The following ATXN7L1 variants were observed in gnomAD, a reference collection of about 807,000 sequenced individuals.
ATXN7L1 encodes the protein ataxin 7 like 1.
Under a neutral mutation model 70.8 loss-of-function variants are expected in ATXN7L1, and 15 were observed. That is an observed-to-expected ratio of 0.21 (90% CI 0.14 to 0.33). The LOEUF (loss-of-function observed/expected upper bound fraction) is 0.33. Ranked by LOEUF, ATXN7L1 falls within the 10% of genes least tolerant of loss-of-function variation. The pLI, the probability that ATXN7L1 is intolerant of heterozygous loss-of-function variation, is 1.00. For missense variants in ATXN7L1, 975 were observed against 1,097.1 expected, an observed-to-expected ratio of 0.89 and a Z score of 1.57; for synonymous variants, 440 against 445.1, an observed-to-expected ratio of 0.99 and a Z score of 0.14.
At chr7:105,665,876 T>C (rs532621630) in intron 3 of ATXN7L1, among the ~76,000 whole-genome samples, 2 of 152,150 alleles carry the variant, frequency 1.3e-5, no homozygotes, top group South Asian at 2.1e-4. Context: ...TCCACAGAGA[T>C]TGAGGGCCAC....
At chr7:105,676,116 T>G (rs1293342692) in intron 3 of ATXN7L1, among the ~76,000 whole-genome samples, 1 of 152,166 alleles carries the variant, frequency 6.6e-6, no homozygotes, top group Admixed American at 6.5e-5. Context: ...GGCAAGCTGC[T>G]GCCCGAAGGA....
At position 105,748,087 on chromosome 7, in the gene ATXN7L1, C is replaced by T. The variant is rs929008819; in HGVS notation, c.355+40517G>A. 2.7e-5 allele frequency among the ~76,000 whole-genome samples: 4 copies of T among 146,044 alleles called. No individual in the cohort carries two copies. In the South Asian group the frequency reaches 8.7e-4, roughly 32 times the overall value. The stretch of plus-strand genomic sequence containing the variant: ...GAGCCAAGATCGTGCCATTGCACTC[C>T]AGCCTGGGTAACGAGCAAAACTCCA... On this transcript the variant is annotated intron_variant, in intron 3 of 11. Coordinates refer to ENST00000419735, the MANE Select transcript of ATXN7L1 (RefSeq NM_020725.2).
chr7:105,867,102 C>T (rs886372811), intron 2 of ATXN7L1, among the ~76,000 whole-genome samples: 2 of 152,170 alleles, frequency 1.3e-5, no homozygotes, highest in East Asian at 1.9e-4. Flanking sequence ...TGGGAACCGC[C>T]GGCTGAAAGC....
At chr7:105,716,945 T>A (rs1032702251) in intron 3 of ATXN7L1, among the ~76,000 whole-genome samples, 1 of 151,800 alleles carries the variant, frequency 6.6e-6, no homozygotes, top group Non-Finnish European at 1.5e-5. Flanking sequence ...AAGTGTATGA[T>A]AAAGATTTTA....
chr7:105,684,341 G>C (rs1163040973), intron 3 of ATXN7L1, among the ~76,000 whole-genome samples: 2 of 152,108 alleles, frequency 1.3e-5, no homozygotes, highest in Non-Finnish European at 2.9e-5. Context: ...TCTTTACAAA[G>C]CATCATTTTC....
At chr7:105,737,705 TAGCTAACCCCA>T (rs1237651503) in intron 3 of ATXN7L1, among the ~76,000 whole-genome samples, 3 of 152,134 alleles carry the variant, frequency 2.0e-5, no homozygotes, top group African/African-American at 7.2e-5. Context: ...GGTGATGTCA[TAGCTAACCCCA>T]AATTCTCATT....
At chr7:105,865,876 C>T (rs567574626) in intron 2 of ATXN7L1, among the ~76,000 whole-genome samples, 1 of 152,266 alleles carries the variant, frequency 6.6e-6, no homozygotes, top group African/African-American at 2.4e-5. Flanking sequence ...GAATACCCAC[C>T]ATTCTACTCG....
At chr7:105,659,612 G>A (rs1260365118) in intron 4 of ATXN7L1, among the ~76,000 whole-genome samples, 1 of 152,188 alleles carries the variant, frequency 6.6e-6, no homozygotes, top group Non-Finnish European at 1.5e-5. Flanking sequence ...AAGGATTATG[G>A]CCAGGAGAGA....
chr7:105,714,188 G>A (rs1266558219), intron 3 of ATXN7L1, among the ~76,000 whole-genome samples: 3 of 152,246 alleles, frequency 2.0e-5, no homozygotes, highest in South Asian at 2.1e-4. Flanking sequence ...CTAATTGGCA[G>A]GGTCAGAATT....
At chr7:105,629,905 C>A (rs764566417) in intron 7 of ATXN7L1, among the ~76,000 whole-genome samples, 60 of 151,946 alleles carry the variant, frequency 3.9e-4, no homozygotes, top group Non-Finnish European at 7.2e-4. Flanking sequence ...GCAACCTCCA[C>A]CTCCTGGGTT....
chr7:105,833,002 TA>T (rs1017106590), intron 2 of ATXN7L1, among the ~76,000 whole-genome samples: 8 of 152,142 alleles, frequency 5.3e-5, no homozygotes, highest in African/African-American at 1.9e-4. Flanking sequence ...GCAGAGCTTT[TA>T]AAAACAGAAA....
intron 2 of ATXN7L1, among the ~76,000 whole-genome samples, chr7:105,833,267 CCTCA>C (rs1811892091): frequency 6.6e-6 from 1 of 152,108 alleles, no homozygotes; most frequent in South Asian, 2.1e-4. Context: ...ACCCACAGCC[CCTCA>C]CTCACTATCT....
intron 3 of ATXN7L1, among the ~76,000 whole-genome samples, chr7:105,718,068 C>A (rs1714212679): frequency 6.6e-6 from 1 of 152,156 alleles, no homozygotes; most frequent in Non-Finnish European, 1.5e-5. Context: ...ATGGAAGGGG[C>A]AGTGAAGAGT....
chr7:105,705,406 T>C (rs1793025952), intron 3 of ATXN7L1, among the ~76,000 whole-genome samples: 1 of 152,242 alleles, frequency 6.6e-6, no homozygotes, highest in Non-Finnish European at 1.5e-5. Context: ...TTCATCTTAT[T>C]TTATCAAAAG....
intron 3 of ATXN7L1, among the ~76,000 whole-genome samples, chr7:105,692,931 TG>T (rs1244218513): frequency 5.3e-5 from 8 of 152,068 alleles, no homozygotes; most frequent in Admixed American, 5.2e-4. Flanking sequence ...GCCACCAGGC[TG>T]GTCTCAAACT....
intron 2 of ATXN7L1, among the ~76,000 whole-genome samples, chr7:105,865,139 A>T (rs923007393): frequency 1.3e-5 from 2 of 152,212 alleles, no homozygotes; most frequent in African/African-American, 4.8e-5. Context: ...AGTGCCCGGT[A>T]AAAACAACGA....
At chr7:105,733,633 C>CCCAA (rs1796934477) in intron 3 of ATXN7L1, among the ~76,000 whole-genome samples, 38 of 38,266 alleles carry the variant, frequency 9.9e-4, no homozygotes, top group African/African-American at 3.7e-3. Context: ...CATCCATCCA[C>CCCAA]CCATCCATCC....
At chr7:105,759,495 T>A (rs1800276882) in intron 3 of ATXN7L1, among the ~76,000 whole-genome samples, 1 of 151,356 alleles carries the variant, frequency 6.6e-6, no homozygotes, top group African/African-American at 2.4e-5. Flanking sequence ...TGTGTGTATG[T>A]CAGAGTGACC....
chr7:105,690,522 G>T (rs1275886682), intron 3 of ATXN7L1, among the ~76,000 whole-genome samples: 2 of 152,114 alleles, frequency 1.3e-5, no homozygotes, highest in African/African-American at 2.4e-5. Flanking sequence ...AAGCAGACCC[G>T]CTCCTCAGAA....
Sources: gnomAD v4.1 joint callset for allele counts (sites outside exome capture counted in the v4.1 genomes callset) on GRCh38, gnomAD v4.1.1 for gene constraint, MANE v1.5 for transcripts, NCBI Gene and HGNC (gene_info 2026-07-23, HGNC 2026-07-21) for gene names.